The following EIF3H variants were observed in gnomAD, a reference collection of about 807,000 sequenced individuals.
EIF3H encodes the protein eukaryotic translation initiation factor 3 subunit H, also known as eIF-3-gamma.
EIF3H carries 26 observed loss-of-function variants against 44.2 expected under a neutral mutation model. The ratio of observed to expected loss-of-function variants is 0.59; its 90% CI spans 0.43 to 0.82. The LOEUF is 0.82. EIF3H is among the 40% of genes least tolerant of loss of function. The pLI is 0.00. For synonymous variants in EIF3H, 166 were observed against 151.9 expected, an observed-to-expected ratio of 1.09 and a Z score of -0.68; for missense variants, 359 against 432.8, an observed-to-expected ratio of 0.83 and a Z score of 1.51.
Position 116,709,295 on chromosome 8 carries a change from T to TCC in EIF3H, c.289+16720_289+16721insGG, listed in dbSNP as rs1170838901. On this transcript the variant is annotated intron_variant, in intron 2 of 7. Transcript: ENST00000521861. ...TAAGACAACCCTTTGCCCAAAAAAT[T>TCC]TTTTAAAAAGGAGCAGGTCTTATTT... 5.3e-5 allele frequency among the ~76,000 whole-genome samples: 8 copies of TCC among 152,262 alleles called. No homozygotes were observed. The East Asian group carries it at 1.3e-3, about 26-fold the overall frequency.
rs368555154 is a variant in EIF3H at position 116,743,799 on chromosome 8, AACACACACACACAC to A, written c.132+11853_132+11866del. 4.9e-3 allele frequency among the ~76,000 whole-genome samples: 428 copies of A among 87,058 alleles called. 5 individuals carry two copies. Among genetic ancestry groups the A allele is most frequent in the African/African-American group, 0.016 (406 of 26,070 alleles). 57.1% of individuals were successfully genotyped at this position (87,058 alleles called of 152,430 possible). On this transcript the variant is annotated intron_variant, in intron 1 of 7. Transcript: ENST00000521861. Reference sequence around the variant, plus strand: ...ATATATATATATATATATATATATAAACACACACACACACACACACACACACACACACACACACA... The same window carrying A: ...ATATATATATATATATATATATATAAACACACACACACACACACACACACA...
intron 2 of EIF3H, among the ~76,000 whole-genome samples, chr8:116,687,356 A>T (rs1032328626): frequency 6.6e-6 from 1 of 152,202 alleles, no homozygotes. Flanking sequence ...AAGAATCAAC[A>T]AAGTTTACAC....
intron 2 of EIF3H, among the ~76,000 whole-genome samples, chr8:116,706,278 G>A (rs1007160261): frequency 6.6e-6 from 1 of 152,140 alleles, no homozygotes; most frequent in Non-Finnish European, 1.5e-5. Flanking sequence ...CATTCAGCAG[G>A]ATTTATTCAG....
chr8:116,643,214 A>G lies in EIF3H; in HGVS notation c.*1792T>C, dbSNP rs1813250247. ...TGTTAATATATCCCTTCTGTCTAAC[A>G]CAGTCACACTCAAATTTGTGTTGAC... On this transcript the variant is annotated 3_prime_UTR_variant, in exon 8 of 8. Coordinates refer to ENST00000521861, the MANE Select transcript of EIF3H (RefSeq NM_003756.3). 1 of 152,198 alleles carries G rather than the reference A, an allele frequency of 6.6e-6. No individual in the cohort carries two copies. The highest frequency in any genetic ancestry group is 1.5e-5 in the Non-Finnish European group (1 of 68,040). 9.4% of individuals were successfully genotyped at this position (152,198 alleles called of 1,614,324 possible). A position where few individuals can be genotyped will look rare whatever the true frequency, so the allele number is the denominator to read the frequency against.
At chr8:116,695,332 C>A (rs1467005397) in intron 2 of EIF3H, among the ~76,000 whole-genome samples, 2 of 152,162 alleles carry the variant, frequency 1.3e-5, no homozygotes, top group East Asian at 3.9e-4. Flanking sequence ...CCCACCTTGG[C>A]CTCCCAAAGT....
In EIF3H at chr8:116,655,989, T is replaced by C; in HGVS notation, c.574A>G (p.Ile192Val). ...FSPEALKKAN[I>V]TFEYMFEEVP... ...TCTTCAAACATGTACTCAAAGGTGA[T>C]ATTTGCTTTTTTCAATCTGTGAAGC... Residue 192 changes from isoleucine to valine, a missense_variant, in exon 5 of 8, where the codon ATC becomes GTC. Ile to Val is a conservative substitution (Grantham distance 29, BLOSUM62 3). Coordinates refer to ENST00000521861, the MANE Select transcript of EIF3H (RefSeq NM_003756.3). 1.9e-6 allele frequency: 3 copies of C among 1,613,410 alleles called. No homozygotes were observed. Among genetic ancestry groups the C allele is most frequent in the Non-Finnish European group, 2.5e-6 (3 of 1,179,618 alleles).
intron 2 of EIF3H, among the ~76,000 whole-genome samples, chr8:116,719,757 A>C (rs1054856577): frequency 6.6e-6 from 1 of 150,574 alleles, no homozygotes; most frequent in African/African-American, 2.4e-5. Flanking sequence ...AAACTAAAGA[A>C]GACTGTTGTC....
chr8:116,710,680 T>C (rs1814558946), intron 2 of EIF3H, among the ~76,000 whole-genome samples: 1 of 152,208 alleles, frequency 6.6e-6, no homozygotes, highest in Admixed American at 6.5e-5. Context: ...CATCACTCAC[T>C]GTGCTTCTGA....
intron 2 of EIF3H, among the ~76,000 whole-genome samples, chr8:116,687,805 A>G (rs1199143005): frequency 6.6e-6 from 1 of 152,178 alleles, no homozygotes; most frequent in African/African-American, 2.4e-5. Flanking sequence ...AGCATCATGA[A>G]AGCAATCATT....
chr8:116,687,324 T>C (rs772893682), intron 2 of EIF3H, among the ~76,000 whole-genome samples: 5 of 152,154 alleles, frequency 3.3e-5, no homozygotes, highest in African/African-American at 1.2e-4. Context: ...TAAAGGAATA[T>C]TGCAAAACAA....
chr8:116,756,208 C>CATTT (rs1815447458), upstream of EIF3H, among the ~76,000 whole-genome samples: 1 of 152,194 alleles, frequency 6.6e-6, no homozygotes, highest in Admixed American at 6.5e-5. Flanking sequence ...ATTTGTCCGA[C>CATTT]ATTATTCTGT....
chr8:116,737,262 C>A, intron 1 of EIF3H: 1 of 448,934 alleles, frequency 2.2e-6, no homozygotes. Flanking sequence ...GCAATATTTT[C>A]TATCTACGTA....
At position 116,679,072 on chromosome 8, in the gene EIF3H, T is replaced by C. The variant is rs536438722; in HGVS notation, c.290-20092A>G. On this transcript the variant is annotated intron_variant, in intron 2 of 7. Transcript: ENST00000521861. ...CTGCCCGGCCGCCCCTACTGGGAAG[T>C]GAGGAGTCCCTCTGCCCGGCCAGCC... Among the ~76,000 whole-genome samples, 337 of 49,588 alleles carry C rather than the reference T, an allele frequency of 6.8e-3. 22 individuals are homozygous for C. The highest frequency in any genetic ancestry group is 0.018 in the African/African-American group (312 of 17,564). 32.5% of individuals were successfully genotyped at this position (49,588 alleles called of 152,430 possible). A position where few individuals can be genotyped will look rare whatever the true frequency, so the allele number is the denominator to read the frequency against.
chr8:116,655,665 C>A (rs1294494844), intron 5 of EIF3H, among the ~76,000 whole-genome samples, 191 bp downstream of exon 5: 2 of 152,128 alleles, frequency 1.3e-5, no homozygotes, highest in African/African-American at 2.4e-5. Context: ...TGTGTTGTTT[C>A]ATGTTATCAG....
At chr8:116,704,553 T>A (rs1485202957) in intron 2 of EIF3H, among the ~76,000 whole-genome samples, 1 of 152,222 alleles carries the variant, frequency 6.6e-6, no homozygotes, top group Non-Finnish European at 1.5e-5. Flanking sequence ...AAAATATCTA[T>A]TTTACTAAAA....
At chr8:116,661,892 C>T (rs1813591754) in intron 2 of EIF3H, among the ~76,000 whole-genome samples, 1 of 152,132 alleles carries the variant, frequency 6.6e-6, no homozygotes, top group African/African-American at 2.4e-5. Context: ...TCAAGAAAGC[C>T]TATAGCCGTG....
rs1408238308 is a variant in EIF3H at position 116,647,335 on chromosome 8, C to T, written c.829-732G>A. Reference sequence around the variant, plus strand: ...CAGGCTGGTCTCAAACCCCTGACCTCGTGATCCACCCGCCTCGGCCTCCCC... The same window carrying T: ...CAGGCTGGTCTCAAACCCCTGACCTTGTGATCCACCCGCCTCGGCCTCCCC... On this transcript the variant is annotated intron_variant, in intron 6 of 7. Coordinates refer to ENST00000521861, the MANE Select transcript of EIF3H (RefSeq NM_003756.3). 4.6e-5 allele frequency among the ~76,000 whole-genome samples: 7 copies of T among 152,216 alleles called. No homozygotes were observed. The East Asian group carries it at 7.7e-4, about 17-fold the overall frequency.
In EIF3H at chr8:116,666,987, G is replaced by A. The variant is rs190190023; in HGVS notation, c.290-8007C>T. The stretch of plus-strand genomic sequence containing the variant: ...CATACACCTGTGTGCATGTGTACAC[G>A]CTCTGCCCCATTCACAAAGGACTTG... On this transcript the variant is annotated intron_variant, in intron 2 of 7. Transcript: ENST00000521861. 7.9e-4 allele frequency among the ~76,000 whole-genome samples: 120 copies of A among 152,276 alleles called. 1 individual carries two copies. Among genetic ancestry groups the A allele is most frequent in the East Asian group, 7.1e-3 (37 of 5,182 alleles).
intron 1 of EIF3H, among the ~76,000 whole-genome samples, chr8:116,748,395 A>AT (rs1385137789): frequency 1.3e-5 from 2 of 152,182 alleles, no homozygotes; most frequent in South Asian, 2.1e-4. Context: ...AATATTAGTG[A>AT]TTTTTCAAAC....
Sources: allele counts gnomAD v4.1 joint callset (sites outside exome capture counted in the v4.1 genomes callset), GRCh38; gene constraint gnomAD v4.1.1; transcripts MANE v1.5; gene names NCBI Gene and HGNC (gene_info 2026-07-23, HGNC 2026-07-21).